Variants in OLFM2 observed in about 807,000 individuals in gnomAD.
OLFM2 encodes noelin-2.
Under a neutral mutation model 43.9 loss-of-function variants are expected in OLFM2, and 20 were observed. The ratio of observed to expected loss-of-function variants is 0.46; its 90% CI spans 0.32 to 0.66. OLFM2 has a LOEUF of 0.66. OLFM2 is among the 30% of genes least tolerant of loss of function. The pLI, the probability that OLFM2 is intolerant of heterozygous loss-of-function variation, is 0.04. For missense variants in OLFM2, 416 were observed against 643.6 expected (o/e 0.65, Z 3.83); for synonymous variants, 268 against 278.6 (o/e 0.96, Z 0.38).
chr19:9,907,759 T>G (rs2046796438), intron 1 of OLFM2, among the ~76,000 whole-genome samples: 1 of 150,936 alleles, frequency 6.6e-6, no homozygotes, highest in African/African-American at 2.4e-5. Flanking sequence ...ATCCCAACAC[T>G]TTGGGAGGCC....
At chr19:9,859,893 G>A (rs1031060035) in intron 2 of OLFM2, among the ~76,000 whole-genome samples, 46 of 152,036 alleles carry the variant, frequency 3.0e-4, no homozygotes, top group African/African-American at 9.6e-4. Flanking sequence ...TGTAATCCCC[G>A]CACTTTGGGA....
intron 1 of OLFM2, among the ~76,000 whole-genome samples, chr19:9,878,391 T>C (rs1200782578): frequency 7.3e-6 from 1 of 137,148 alleles, no homozygotes; most frequent in Non-Finnish European, 1.6e-5. Context: ...CTTTTTTTTT[T>C]TTTTTTTTTT....
intron 1 of OLFM2, among the ~76,000 whole-genome samples, chr19:9,875,211 A>G (rs2046475139): frequency 2.0e-5 from 3 of 152,228 alleles, no homozygotes; most frequent in Admixed American, 2.0e-4. Context: ...TTTGTACCAA[A>G]GAGAAGCAGC....
intron 1 of OLFM2, among the ~76,000 whole-genome samples, chr19:9,877,865 A>C (rs1164409340): frequency 6.6e-6 from 1 of 151,986 alleles, no homozygotes; most frequent in African/African-American, 2.4e-5. Flanking sequence ...TTAATTGATT[A>C]TTTTACAGAT....
chr19:9,893,764 C>T (rs779121197), intron 1 of OLFM2, among the ~76,000 whole-genome samples: 9 of 152,118 alleles, frequency 5.9e-5, no homozygotes, highest in Non-Finnish European at 8.8e-5. Context: ...ATTTCTCCAA[C>T]GCCATCATGT....
chr19:9,913,680 G>A, intron 1 of OLFM2: 1 of 1,112,888 alleles, frequency 9.0e-7, no homozygotes, highest in Non-Finnish European at 1.1e-6. Context: ...CCGCCGCGGG[G>A]CGCTCGGTCC....
chr19:9,865,690 C>T (rs546128784), intron 1 of OLFM2, among the ~76,000 whole-genome samples: 13 of 151,408 alleles, frequency 8.6e-5, no homozygotes, highest in African/African-American at 2.9e-4. Flanking sequence ...CAGGGTTTCG[C>T]CATGTTGGCC....
At chr19:9,891,009 A>C (rs966250661) in intron 1 of OLFM2, among the ~76,000 whole-genome samples, 2 of 151,742 alleles carry the variant, frequency 1.3e-5, no homozygotes, top group African/African-American at 4.8e-5. Flanking sequence ...GTCTTCCCTC[A>C]GCAACCGCAG....
At chr19:9,876,999 G>C (rs1276291699) in intron 1 of OLFM2, among the ~76,000 whole-genome samples, 2 of 151,960 alleles carry the variant, frequency 1.3e-5, no homozygotes, top group Non-Finnish European at 2.9e-5. Context: ...GGAGGTCAAG[G>C]GGGGCAGATC....
intron 1 of OLFM2, among the ~76,000 whole-genome samples, chr19:9,924,506 G>T (rs563296334): frequency 6.6e-6 from 1 of 150,674 alleles, no homozygotes; most frequent in African/African-American, 2.4e-5. Context: ...CCATCCTTCC[G>T]CCTTGGCCAC....
Position 9,857,107 on chromosome 19 carries a change from T to C in OLFM2, c.580+156A>G. The stretch of plus-strand genomic sequence containing the variant: ...CCAAGGGTCAGGGCCATTTCCAGCT[T>C]CTGGACTCAAGTGTAGCCTTAGGTA... On this transcript the variant is annotated intron_variant, in intron 4 of 5. Transcript: ENST00000264833. The surrounding 1 kb of genome is among the most constrained non-coding windows in gnomAD (Gnocchi z 5.7). 1 of 850,634 alleles carries C rather than the reference T, an allele frequency of 1.2e-6. No individual in the cohort carries two copies. The highest frequency in any genetic ancestry group is 1.9e-6 in the Non-Finnish European group (1 of 527,562). 52.7% of individuals were successfully genotyped at this position (850,634 alleles called of 1,614,324 possible).
chr19:9,882,946 C>A (rs1363501838), intron 1 of OLFM2, among the ~76,000 whole-genome samples: 1 of 151,512 alleles, frequency 6.6e-6, no homozygotes, highest in African/African-American at 2.4e-5. Flanking sequence ...CACCTGTAAT[C>A]CCCCCACTTT....
rs377585036 is a variant in OLFM2 at position 9,860,699 on chromosome 19, C to G, written c.159G>C (p.Gln53His). The change falls in exon 2 of 6, where the codon CAG (glutamine) becomes CAC (histidine). Residue 53 changes from glutamine (Q) to histidine (H), a missense_variant. Physicochemically the swap from Gln to His is conservative, Grantham distance 24. Transcript: ENST00000264833. ...TCCTGCCATCTCGAGAGCAGGTACT[C>G]TGCGCTGGGATCACGGCCGTGCAGA... is the stretch of plus-strand genomic sequence containing the variant. ...KCICTAVIPAQSTCSRDGRSR... is the reference protein window; with the variant it reads ...KCICTAVIPAHSTCSRDGRSR... The G allele has an allele frequency of 1.2e-6, 2 of 1,603,778 alleles. No individual in the cohort carries two copies. Among genetic ancestry groups the G allele is most frequent in the Non-Finnish European group, 1.7e-6 (2 of 1,175,192 alleles).
intron 1 of OLFM2, among the ~76,000 whole-genome samples, chr19:9,909,438 G>C (rs2046810591): frequency 6.6e-6 from 1 of 152,194 alleles, no homozygotes; most frequent in Non-Finnish European, 1.5e-5. Context: ...ATGGCTGGGA[G>C]TTGGCCAAAG....
chr19:9,896,525 G>A (rs1047485467), intron 1 of OLFM2, among the ~76,000 whole-genome samples: 2 of 152,314 alleles, frequency 1.3e-5, no homozygotes, highest in East Asian at 1.9e-4. Context: ...GCCTCCGAAA[G>A]TGCTGGGATT....
At chr19:9,904,820 G>C (rs576705984) in intron 1 of OLFM2, among the ~76,000 whole-genome samples, 7 of 152,214 alleles carry the variant, frequency 4.6e-5, no homozygotes, top group African/African-American at 1.7e-4. Context: ...AGGAGTTTGA[G>C]ACCAGCCTGG....
chr19:9,875,212 G>C (rs1156725349), intron 1 of OLFM2, among the ~76,000 whole-genome samples: 1 of 152,204 alleles, frequency 6.6e-6, no homozygotes, highest in Non-Finnish European at 1.5e-5. Flanking sequence ...TTGTACCAAA[G>C]AGAAGCAGCC....
rs575954287 is a variant in OLFM2 at position 9,856,868 on chromosome 19, G to A, written c.626C>T (p.Ala209Val). ...CCAGGAGCCGAAGCGGGACCCCATG[G>A]CCCGAACGGTGATGGGGTTACTGAC... is the stretch of plus-strand genomic sequence containing the variant. ...TGVSNPITVR[A>V]MGSRFGSWMT... The change falls in exon 5 of 6, where the codon GCC becomes GTC. Residue 209 changes from alanine to valine, a missense_variant. Ala to Val is a moderately conservative substitution (Grantham distance 64, BLOSUM62 0). Coordinates refer to ENST00000264833, the MANE Select transcript of OLFM2 (RefSeq NM_058164.4). This position sits in a 1 kb window ranked among gnomAD's most constrained non-coding sequence, Gnocchi z 4.0. 1.9e-6 allele frequency: 3 copies of A among 1,613,432 alleles called. No individual in the cohort carries two copies. The highest frequency in any genetic ancestry group is 2.5e-6 in the Non-Finnish European group (3 of 1,179,786).
intron 1 of OLFM2, among the ~76,000 whole-genome samples, chr19:9,877,467 A>T (rs1011730577): frequency 6.6e-6 from 1 of 152,050 alleles, no homozygotes; most frequent in Admixed American, 6.6e-5. Context: ...CGGGAGGCGG[A>T]GGTTGCGGTG....
Sources: allele counts gnomAD v4.1 joint callset (sites outside exome capture counted in the v4.1 genomes callset), GRCh38; gene constraint gnomAD v4.1.1; non-coding constraint Gnocchi (gnomAD v3.1); transcripts MANE v1.5; gene names NCBI Gene and HGNC (gene_info 2026-07-23, HGNC 2026-07-21).